Variants in SNTG1 observed in about 807,000 individuals in gnomAD.
SNTG1 encodes the protein gamma-1-syntrophin.
In SNTG1, 39 loss-of-function variants were observed where a neutral mutation model predicts 74.7. That is an observed-to-expected ratio of 0.52 (90% CI 0.40 to 0.68). The LOEUF is 0.68. Among genes scored for constraint, SNTG1 ranks in the 30% least tolerant of loss-of-function variants. The probability of loss-of-function intolerance (pLI) is 0.00; values close to 1 mark genes in which losing one functional copy is unlikely to be tolerated. For missense variants in SNTG1, 685 were observed against 609.5 expected (o/e 1.12, Z -1.30); for synonymous variants, 254 against 217.1 (o/e 1.17, Z -1.49).
intron 13 of SNTG1, among the ~76,000 whole-genome samples, chr8:50,603,437 A>G (rs2094789646): frequency 6.6e-6 from 1 of 152,140 alleles, no homozygotes; most frequent in African/African-American, 2.4e-5. Context: ...AATCGCTTTG[A>G]GTTTCTTCAA....
In SNTG1 at chr8:50,655,895, G is replaced by C. The variant is rs1308064201; in HGVS notation, c.850-1014G>C. Among the ~76,000 whole-genome samples the C allele has an allele frequency of 3.9e-5, 6 of 152,154 alleles. No homozygotes were observed. The East Asian group carries it at 1.2e-3, about 29-fold the overall frequency. ...CACCAGTTTGGAGCTAGCTGGGCTT[G>C]GTCCAGGTGTTAAGCTGAGCTCTGG... On this transcript the variant is annotated intron_variant, in intron 13 of 18. Coordinates refer to ENST00000642720, the MANE Select transcript of SNTG1 (RefSeq NM_018967.5).
At chr8:50,058,853 A>T (rs1194900936) in intron 1 of SNTG1, among the ~76,000 whole-genome samples, 1 of 151,900 alleles carries the variant, frequency 6.6e-6, no homozygotes, top group South Asian at 2.1e-4. Flanking sequence ...TCGCCACAAG[A>T]ATTCCTGCTG....
At chr8:50,530,912 T>C (rs1169489658) in intron 10 of SNTG1, among the ~76,000 whole-genome samples, 1 of 152,202 alleles carries the variant, frequency 6.6e-6, no homozygotes, top group Non-Finnish European at 1.5e-5. Flanking sequence ...CTTAAAGAAA[T>C]AATTTTCTCT....
rs534637270 is a variant in SNTG1 at position 50,782,782 on chromosome 8, C to T, written c.1396-9889C>T. ...TTCCTTTGGAGGAAGAGAGGTGCTC[C>T]GGTTTTTAGAGTTTCTAGTTTTTCT... On this transcript the variant is annotated intron_variant, in intron 18 of 18. Coordinates refer to ENST00000642720, the MANE Select transcript of SNTG1 (RefSeq NM_018967.5). Among the ~76,000 whole-genome samples the T allele has an allele frequency of 1.6e-4, 25 of 152,224 alleles. No individual in the cohort carries two copies. In the East Asian group the frequency reaches 2.7e-3, roughly 16 times the overall value.
intron 2 of SNTG1, among the ~76,000 whole-genome samples, chr8:50,263,672 TA>T (rs1295440267): frequency 6.6e-6 from 1 of 152,162 alleles, no homozygotes; most frequent in Non-Finnish European, 1.5e-5. Flanking sequence ...ATAACAATTA[TA>T]AAAATTATAG....
chr8:50,359,241 A>T (rs2091896855), intron 2 of SNTG1, among the ~76,000 whole-genome samples: 1 of 151,858 alleles, frequency 6.6e-6, no homozygotes, highest in Non-Finnish European at 1.5e-5. Flanking sequence ...CCACAAAACC[A>T]CTCCCCATGT....
At chr8:50,698,734 TG>T (rs1210236140) in intron 15 of SNTG1, among the ~76,000 whole-genome samples, 2 of 152,100 alleles carry the variant, frequency 1.3e-5, no homozygotes. Flanking sequence ...GGGAAGTGCA[TG>T]GGACACTTCC....
At chr8:50,049,418 T>A (rs1819377141) in intron 1 of SNTG1, among the ~76,000 whole-genome samples, 1 of 152,178 alleles carries the variant, frequency 6.6e-6, no homozygotes, top group African/African-American at 2.4e-5. Context: ...ATTATATTTA[T>A]GCATGGATTG....
intron 8 of SNTG1, among the ~76,000 whole-genome samples, chr8:50,498,159 T>C (rs2093920367): frequency 6.6e-6 from 1 of 151,946 alleles, no homozygotes. Context: ...GTAGTATGGC[T>C]TGTTTCAATT....
intron 2 of SNTG1, among the ~76,000 whole-genome samples, chr8:50,385,804 C>T (rs2131261486): frequency 6.6e-6 from 1 of 152,264 alleles, no homozygotes; most frequent in East Asian, 1.9e-4. Context: ...TTTGCTCAAG[C>T]AATAAAACCA....
chr8:50,219,751 T>C (rs968460205), intron 2 of SNTG1, among the ~76,000 whole-genome samples: 5 of 152,080 alleles, frequency 3.3e-5, no homozygotes, highest in Non-Finnish European at 7.4e-5. Flanking sequence ...TCCTCCAACA[T>C]TGGGGGTTGC....
chr8:50,367,178 C>G lies in SNTG1; in HGVS notation c.-27-27034C>G, dbSNP rs1037119884. Among the ~76,000 whole-genome samples, 45 of 150,622 alleles carry G rather than the reference C, an allele frequency of 3.0e-4. 1 individual carries two copies. The highest frequency in any genetic ancestry group is 1.1e-3 in the African/African-American group (44 of 40,988). Reference sequence around the variant, plus strand: ...TATAATAGAGTGTTGTTTCCTTTACCAAGTAGATCAGCTTGGTATTTAAAA... The same window carrying G: ...TATAATAGAGTGTTGTTTCCTTTACGAAGTAGATCAGCTTGGTATTTAAAA... On this transcript the variant is annotated intron_variant, in intron 2 of 18. Coordinates refer to ENST00000642720, the MANE Select transcript of SNTG1 (RefSeq NM_018967.5).
chr8:50,143,914 TA>T (rs1475706103), intron 1 of SNTG1, among the ~76,000 whole-genome samples: 3 of 152,186 alleles, frequency 2.0e-5, no homozygotes, highest in Non-Finnish European at 4.4e-5. Flanking sequence ...TATTAAAAAT[TA>T]GAATTCCTTT....
intron 1 of SNTG1, among the ~76,000 whole-genome samples, chr8:50,063,579 ATCTCT>A (rs2130952196): frequency 6.6e-6 from 1 of 152,288 alleles, no homozygotes; most frequent in Non-Finnish European, 1.5e-5. Context: ...GTTCATTGTC[ATCTCT>A]TCTTTTGTCC....
Position 50,615,909 on chromosome 8 carries a change from G to T in SNTG1, c.849+24992G>T, listed in dbSNP as rs1270610648. Among the ~76,000 whole-genome samples the T allele has an allele frequency of 2.6e-5, 4 of 152,168 alleles. 1 individual carries two copies. The highest frequency in any genetic ancestry group is 1.3e-4 in the Admixed American group (2 of 15,286). On this transcript the variant is annotated intron_variant, in intron 13 of 18. Coordinates refer to ENST00000642720, the MANE Select transcript of SNTG1 (RefSeq NM_018967.5). ...ACTGATCAATCAATCACTTGATCCAGACAAATTTTAAGAAATTGGCTTATG... is the reference window on the plus strand; with the variant it reads ...ACTGATCAATCAATCACTTGATCCATACAAATTTTAAGAAATTGGCTTATG...
chr8:50,701,273 AAG>A (rs1402177422), intron 15 of SNTG1, among the ~76,000 whole-genome samples: 1 of 152,208 alleles, frequency 6.6e-6, no homozygotes, highest in African/African-American at 2.4e-5. Flanking sequence ...CTGCAGTATA[AAG>A]AGAGGGCATA....
chr8:50,650,654 C>A (rs979806365), intron 13 of SNTG1, among the ~76,000 whole-genome samples: 1 of 151,936 alleles, frequency 6.6e-6, no homozygotes, highest in East Asian at 1.9e-4. Flanking sequence ...TTTCTTTCTG[C>A]ATCTATTCTG....
chr8:50,680,514 C>T (rs2095326808), intron 15 of SNTG1, among the ~76,000 whole-genome samples: 2 of 152,068 alleles, frequency 1.3e-5, no homozygotes, highest in African/African-American at 4.8e-5. Context: ...TCTTAGTAGG[C>T]ATCATTTTCA....
At chr8:50,039,926 G>A (rs1014911472) in intron 1 of SNTG1, among the ~76,000 whole-genome samples, 2 of 152,100 alleles carry the variant, frequency 1.3e-5, no homozygotes, top group South Asian at 2.1e-4. Flanking sequence ...GAAGCTGCAC[G>A]GACCACAGCC....
Sources: allele counts gnomAD v4.1 joint callset (sites outside exome capture counted in the v4.1 genomes callset), GRCh38; gene constraint gnomAD v4.1.1; transcripts MANE v1.5; gene names NCBI Gene and HGNC (gene_info 2026-07-23, HGNC 2026-07-21).